The following EXOSC6 variants were observed in gnomAD, a reference collection of about 807,000 sequenced individuals.
EXOSC6 encodes exosome complex component MTR3.
In EXOSC6, 21 loss-of-function variants were observed where a neutral mutation model predicts 16.7. The ratio of observed to expected loss-of-function variants is 1.26; its 90% CI spans 0.89 to 1.82. The LOEUF (loss-of-function observed/expected upper bound fraction) is 1.82. Among genes scored for constraint, EXOSC6 ranks in the 40% most tolerant of loss-of-function variants. EXOSC6 has a pLI of 0.00. For synonymous variants in EXOSC6, 297 were observed against 217.1 expected, an observed-to-expected ratio of 1.37 and a Z score of -3.24; for missense variants, 538 against 415.7, an observed-to-expected ratio of 1.29 and a Z score of -2.56.
In EXOSC6 at chr16:70,248,478, G is replaced by T. The variant is rs891861505; in HGVS notation, c.*2604C>A. On this transcript the variant is annotated 3_prime_UTR_variant, in exon 1 of 1. Coordinates refer to ENST00000435634, the MANE Select transcript of EXOSC6 (RefSeq NM_058219.3). ...AATGTGAGAATTTTCACAAGAGCTGGGAAAATGTTCATAATTATGCATGCA... is the reference window on the plus strand; with the variant it reads ...AATGTGAGAATTTTCACAAGAGCTGTGAAAATGTTCATAATTATGCATGCA... 3.3e-5 allele frequency: 5 copies of T among 152,072 alleles called. No homozygotes were observed. Among genetic ancestry groups the T allele is most frequent in the Non-Finnish European group, 7.4e-5 (5 of 68,014 alleles). 9.4% of individuals were successfully genotyped at this position (152,072 alleles called of 1,614,324 possible). A position where few individuals can be genotyped will look rare whatever the true frequency, so the allele number is the denominator to read the frequency against.
rs550888671 is a variant in EXOSC6 at position 70,251,017 on chromosome 16, G to C, written c.*65C>G. 1.8e-5 allele frequency: 26 copies of C among 1,420,604 alleles called. No homozygotes were observed. The South Asian group carries it at 3.8e-4, about 21-fold the overall frequency. The allele number at this position is 1,420,604 out of a possible 1,614,324, so 88.0% of individuals were successfully genotyped here. On this transcript the variant is annotated 3_prime_UTR_variant, in exon 1 of 1. Coordinates refer to ENST00000435634, the MANE Select transcript of EXOSC6 (RefSeq NM_058219.3). ...ACGCAAACTGGAGGCCGATGGCGCG[G>C]GTCTTTTCGTGGACGGCGGCAGCAC... is the stretch of plus-strand genomic sequence containing the variant.
Position 70,247,752 on chromosome 16 carries a change from A to T in EXOSC6, c.*3330T>A, listed in dbSNP as rs934864067. The stretch of plus-strand genomic sequence containing the variant: ...AGCAATCTTATAAAAGAAATGCTAG[A>T]ATCAGAAAACCATCATTTTAGGCTG... On this transcript the variant is annotated 3_prime_UTR_variant, in exon 1 of 1. Transcript: ENST00000435634. 2.6e-5 allele frequency: 4 copies of T among 152,230 alleles called. No individual in the cohort carries two copies. Among genetic ancestry groups the T allele is most frequent in the Admixed American group, 2.6e-4 (4 of 15,276 alleles). The allele number at this position is 152,230 out of a possible 1,614,324, so 9.4% of individuals were successfully genotyped here. A position where few individuals can be genotyped will look rare whatever the true frequency, so the allele number is the denominator to read the frequency against.
rs1211014126 is a variant in EXOSC6 at position 70,250,378 on chromosome 16, A to T, written c.*704T>A. The T allele has an allele frequency of 6.6e-6, 1 of 152,228 alleles. No homozygotes were observed. Among genetic ancestry groups the T allele is most frequent in the Non-Finnish European group, 1.5e-5 (1 of 68,066 alleles). 9.4% of individuals were successfully genotyped at this position (152,228 alleles called of 1,614,324 possible). A position where few individuals can be genotyped will look rare whatever the true frequency, so the allele number is the denominator to read the frequency against. ...CACCGTACATTCTGTGCAATCAAGA[A>T]ATTTACTCAGCTGGGCACAGTGGCT... On this transcript the variant is annotated 3_prime_UTR_variant, in exon 1 of 1. Transcript: ENST00000435634.
chr16:70,251,825 C>A lies in EXOSC6; in HGVS notation c.76G>T (p.Glu26Ter). Residue 26 changes from glutamate to a stop codon, truncating the protein, a stop_gained, in exon 1 of 1, where the codon GAG becomes TAG. Coordinates refer to ENST00000435634, the MANE Select transcript of EXOSC6 (RefSeq NM_058219.3). LOFTEE classifies it high-confidence loss of function. ...GTTGGGTCGCGGGTGCCGGGCGCCT[C>A]CTCCTCGTCGGCCGCGTACAGCTGC... ...PPQLYAADEE[E>*]APGTRDPTRL... 1 of 1,537,310 alleles carries A rather than the reference C, an allele frequency of 6.5e-7. No individual in the cohort carries two copies. Among genetic ancestry groups the A allele is most frequent in the Non-Finnish European group, 8.7e-7 (1 of 1,152,498 alleles).
At position 70,251,522 on chromosome 16, in the gene EXOSC6, GCAGCGC is replaced by G; in HGVS notation, c.373_378del (p.Ala125_Leu126del). On this transcript the variant is annotated inframe_deletion, in exon 1 of 1. Transcript: ENST00000435634. ...CGCACAGCCGGCTCCAGCGCCTCCTGCAGCGCCAGCGCCAGCTCACGCTCCTCGCAG... is the reference window on the plus strand; with the variant it reads ...CGCACAGCCGGCTCCAGCGCCTCCTGCAGCGCCAGCTCACGCTCCTCGCAG... 8.0e-7 allele frequency: 1 copy of G among 1,254,870 alleles called. No individual in the cohort carries two copies. Among genetic ancestry groups the G allele is most frequent in the South Asian group, 2.5e-5 (1 of 40,104 alleles). 77.7% of individuals were successfully genotyped at this position (1,254,870 alleles called of 1,614,324 possible). A position where few individuals can be genotyped will look rare whatever the true frequency, so the allele number is the denominator to read the frequency against.
chr16:70,251,582 C>T lies in EXOSC6; in HGVS notation c.319G>A (p.Gly107Ser), dbSNP rs1488727562. 1.0e-5 allele frequency: 11 copies of T among 1,092,340 alleles called. No homozygotes were observed. Among genetic ancestry groups the T allele is most frequent in the African/African-American group, 1.7e-5 (1 of 59,506 alleles). 67.7% of individuals were successfully genotyped at this position (1,092,340 alleles called of 1,614,324 possible). A position where few individuals can be genotyped will look rare whatever the true frequency, so the allele number is the denominator to read the frequency against. ...LCDFRRAPFA[G>S]RRRRAPPGGC... is the part of the protein sequence containing the mutation. ...CCCGGGGGAGCGCGGCGCCGGCGGC[C>T]CGCGAAGGGTGCGCGGCGGAAGTCG... Residue 107 changes from glycine to serine, a missense_variant, in exon 1 of 1, where the codon GGC (glycine) becomes AGC (serine). Physicochemically the swap from Gly to Ser is moderately conservative, Grantham distance 56 (BLOSUM62 0). Coordinates refer to ENST00000435634, the MANE Select transcript of EXOSC6 (RefSeq NM_058219.3).
chr16:70,247,064 C>A lies in EXOSC6; in HGVS notation c.*4018G>T. 4 of 363,262 alleles carry A rather than the reference C, an allele frequency of 1.1e-5. No homozygotes were observed. The highest frequency in any genetic ancestry group is 8.2e-5 in the East Asian group (1 of 12,194). 22.5% of individuals were successfully genotyped at this position (363,262 alleles called of 1,614,324 possible). ...CTACATAAAAAACTGAGTATGAGAC[C>A]AAGAAAAATAGATTCTGTAGTTTTA... On this transcript the variant is annotated 3_prime_UTR_variant, in exon 1 of 1. Transcript: ENST00000435634.
Position 70,247,566 on chromosome 16 carries a change from C to G in EXOSC6, c.*3516G>C, listed in dbSNP as rs1352346155. 1.3e-5 allele frequency: 2 copies of G among 152,112 alleles called. No individual in the cohort carries two copies. The highest frequency in any genetic ancestry group is 2.9e-5 in the Non-Finnish European group (2 of 68,038). 9.4% of individuals were successfully genotyped at this position (152,112 alleles called of 1,614,324 possible). A position where few individuals can be genotyped will look rare whatever the true frequency, so the allele number is the denominator to read the frequency against. ...ACATTAAAATTAAAGATCAGTATGG[C>G]ACCACACATGAATAACATGCAGGCT... On this transcript the variant is annotated 3_prime_UTR_variant, in exon 1 of 1. Coordinates refer to ENST00000435634, the MANE Select transcript of EXOSC6 (RefSeq NM_058219.3).
Position 70,251,056 on chromosome 16 carries a change from C to A in EXOSC6, c.*26G>T, listed in dbSNP as rs776710679. ...CGGCGGCAGCACGGTCCTCGGCTTG[C>A]GTCCGTAGTTGCTCAGGCTTCTGGT... On this transcript the variant is annotated 3_prime_UTR_variant, in exon 1 of 1. Coordinates refer to ENST00000435634, the MANE Select transcript of EXOSC6 (RefSeq NM_058219.3). 2.8e-6 allele frequency: 4 copies of A among 1,445,404 alleles called. No homozygotes were observed. The highest frequency in any genetic ancestry group is 3.6e-6 in the Non-Finnish European group (4 of 1,110,856). The allele number at this position is 1,445,404 out of a possible 1,614,324, so 89.5% of individuals were successfully genotyped here. A position where few individuals can be genotyped will look rare whatever the true frequency, so the allele number is the denominator to read the frequency against.
chr16:70,250,752 G>T lies in EXOSC6; in HGVS notation c.*330C>A, dbSNP rs572927017. 1.6e-4 allele frequency: 46 copies of T among 295,870 alleles called. No homozygotes were observed. The highest frequency in any genetic ancestry group is 9.1e-4 in the African/African-American group (42 of 46,110). 18.3% of individuals were successfully genotyped at this position (295,870 alleles called of 1,614,324 possible). On this transcript the variant is annotated 3_prime_UTR_variant, in exon 1 of 1. Coordinates refer to ENST00000435634, the MANE Select transcript of EXOSC6 (RefSeq NM_058219.3). ...CATGCACCTGTAGTCCCAGCACTTTGGGAGGCCAAGGCAGGAGGATCAATC... is the reference window on the plus strand; with the variant it reads ...CATGCACCTGTAGTCCCAGCACTTTTGGAGGCCAAGGCAGGAGGATCAATC...
Position 70,250,926 on chromosome 16 carries a change from G to C in EXOSC6, c.*156C>G. 8.5e-6 allele frequency: 8 copies of C among 939,692 alleles called. No homozygotes were observed. Among genetic ancestry groups the C allele is most frequent in the Non-Finnish European group, 1.2e-5 (8 of 686,184 alleles). 58.2% of individuals were successfully genotyped at this position (939,692 alleles called of 1,614,324 possible). A position where few individuals can be genotyped will look rare whatever the true frequency, so the allele number is the denominator to read the frequency against. ...CCAAGTAGTCCCTGCTCCAGACCAA[G>C]TCCCACCATCTGGCAGTCAGGTCAG... On this transcript the variant is annotated 3_prime_UTR_variant, in exon 1 of 1. Transcript: ENST00000435634.
In EXOSC6 at chr16:70,251,575, C is replaced by T; in HGVS notation, c.326G>A (p.Arg109Gln). The change falls in exon 1 of 1, where the codon CGG (arginine) becomes CAG (glutamine). Residue 109 changes from arginine to glutamine, a missense_variant. Arg to Gln is a conservative substitution (Grantham distance 43, BLOSUM62 1). Coordinates refer to ENST00000435634, the MANE Select transcript of EXOSC6 (RefSeq NM_058219.3). ...DFRRAPFAGRRRRAPPGGCEE... is the reference protein window; with the variant it reads ...DFRRAPFAGRQRRAPPGGCEE... ...GCAGCCGCCCGGGGGAGCGCGGCGC[C>T]GGCGGCCCGCGAAGGGTGCGCGGCG... 2.7e-6 allele frequency: 3 copies of T among 1,098,412 alleles called. No homozygotes were observed. The highest frequency in any genetic ancestry group is 3.3e-6 in the Non-Finnish European group (3 of 905,752). The allele number at this position is 1,098,412 out of a possible 1,614,324, so 68.0% of individuals were successfully genotyped here. A position where few individuals can be genotyped will look rare whatever the true frequency, so the allele number is the denominator to read the frequency against.
rs549683664 is a variant in EXOSC6, at chr16:70,247,193, C to T, written c.*3889G>A. Reference sequence around the variant, plus strand: ...AGGTTGCAGTGAGCTGAGATTGCACCGCTGCACTCCAGCCTGGACAATACA... The same window carrying T: ...AGGTTGCAGTGAGCTGAGATTGCACTGCTGCACTCCAGCCTGGACAATACA... On this transcript the variant is annotated 3_prime_UTR_variant, in exon 1 of 1. Transcript: ENST00000435634. The T allele has an allele frequency of 2.1e-4, 49 of 236,718 alleles. No homozygotes were observed. The highest frequency in any genetic ancestry group is 9.8e-4 in the African/African-American group (41 of 41,802). 14.7% of individuals were successfully genotyped at this position (236,718 alleles called of 1,614,324 possible).
chr16:70,248,115 G>T lies in EXOSC6; in HGVS notation c.*2967C>A, dbSNP rs1284341810. On this transcript the variant is annotated 3_prime_UTR_variant, in exon 1 of 1. Coordinates refer to ENST00000435634, the MANE Select transcript of EXOSC6 (RefSeq NM_058219.3). ...ATAGCCAATGTTATAATCTACACAG[G>T]CACAGACTATCAATGCTAAAAATCA... The T allele has an allele frequency of 6.6e-6, 1 of 152,094 alleles. No individual in the cohort carries two copies. Among genetic ancestry groups the T allele is most frequent in the African/African-American group, 2.4e-5 (1 of 41,412 alleles). 9.4% of individuals were successfully genotyped at this position (152,094 alleles called of 1,614,324 possible). A position where few individuals can be genotyped will look rare whatever the true frequency, so the allele number is the denominator to read the frequency against.
In EXOSC6 at chr16:70,251,388, G is replaced by A. The variant is rs1959815286; in HGVS notation, c.513C>T (p.Asp171=). The change falls in exon 1 of 1, where the codon GAC becomes GAT. Residue 171 remains aspartate (D), a synonymous_variant. Coordinates refer to ENST00000435634, the MANE Select transcript of EXOSC6 (RefSeq NM_058219.3). ...CCAGGTCGTACATCTCCACGCCCGC[G>A]TCGGCCAGGGCGAGCGCGGCGGCGG... ...ALTAAALALA[D]AGVEMYDLVV... The A allele has an allele frequency of 1.5e-6, 2 of 1,355,842 alleles. No homozygotes were observed. Among genetic ancestry groups the A allele is most frequent in the Non-Finnish European group, 1.9e-6 (2 of 1,060,384 alleles). The allele number at this position is 1,355,842 out of a possible 1,614,324, so 84.0% of individuals were successfully genotyped here.
Position 70,251,769 on chromosome 16 carries a change from C to T in EXOSC6, c.132G>A (p.Gly44=), listed in dbSNP as rs979067761. The T allele has an allele frequency of 2.8e-6, 4 of 1,440,170 alleles. No homozygotes were observed. Among genetic ancestry groups the T allele is most frequent in the Non-Finnish European group, 3.6e-6 (4 of 1,108,048 alleles). 89.2% of individuals were successfully genotyped at this position (1,440,170 alleles called of 1,614,324 possible). ...CCGAGCCCTTGGCCTGGCTCAGCAGCCCGGCGCGCGCGTACACGGGCCGTA... is the reference window on the plus strand; with the variant it reads ...CCGAGCCCTTGGCCTGGCTCAGCAGTCCGGCGCGCGCGTACACGGGCCGTA... ...TRLRPVYARA[G]LLSQAKGSAY... is the part of the protein sequence containing the mutation. The change falls in exon 1 of 1, where the codon GGG becomes GGA. Residue 44 remains glycine (G), a synonymous_variant. Transcript: ENST00000435634.
chr16:70,251,706 G>C lies in EXOSC6; in HGVS notation c.195C>G (p.Ala65=). Residue 65 remains alanine (A), a synonymous_variant, in exon 1 of 1, where the codon GCC becomes GCG. Coordinates refer to ENST00000435634, the MANE Select transcript of EXOSC6 (RefSeq NM_058219.3). ...LEAGGTKVLC[A]VSGPRQAEGG... is the part of the protein sequence containing the mutation. ...CCTCGGCCTGTCGCGGGCCCGACAC[G>C]GCACACAGCACCTTGGTGCCTCCCG... The C allele has an allele frequency of 7.5e-7, 1 of 1,326,012 alleles. No homozygotes were observed. The highest frequency in any genetic ancestry group is 9.6e-7 in the Non-Finnish European group (1 of 1,043,084). 82.1% of individuals were successfully genotyped at this position (1,326,012 alleles called of 1,614,324 possible). A position where few individuals can be genotyped will look rare whatever the true frequency, so the allele number is the denominator to read the frequency against.
rs1042778321 is a variant in EXOSC6, at chr16:70,251,276, C to A, written c.625G>T (p.Ala209Ser). The A allele has an allele frequency of 3.5e-6, 5 of 1,442,620 alleles. No homozygotes were observed. In the East Asian group the frequency reaches 1.5e-4, roughly 43 times the overall value. The allele number at this position is 1,442,620 out of a possible 1,614,324, so 89.4% of individuals were successfully genotyped here. ...GGCATGAGCGCCACGGTGAGGCCGG[C>A]GGCGGCGCGCTCTTCCTCGAGCCGC... ...PTRLEEERAA[A>S]GLTVALMPVL... is the part of the protein sequence containing the mutation. Residue 209 changes from alanine to serine, a missense_variant, in exon 1 of 1, where the codon GCC becomes TCC. Ala to Ser is a moderately conservative substitution (Grantham distance 99). Coordinates refer to ENST00000435634, the MANE Select transcript of EXOSC6 (RefSeq NM_058219.3).
chr16:70,248,409 G>A lies in EXOSC6; in HGVS notation c.*2673C>T, dbSNP rs1381297608. 4 of 151,944 alleles carry A rather than the reference G, an allele frequency of 2.6e-5. No individual in the cohort carries two copies. The South Asian group carries it at 6.2e-4, about 24-fold the overall frequency. 9.4% of individuals were successfully genotyped at this position (151,944 alleles called of 1,614,324 possible). The stretch of plus-strand genomic sequence containing the variant: ...AGCATATTATTATGAAATTATTATC[G>A]TATTTACAGGTATTTATTTTACTGG... On this transcript the variant is annotated 3_prime_UTR_variant, in exon 1 of 1. Transcript: ENST00000435634.
Sources: allele counts gnomAD v4.1 joint callset, GRCh38; gene constraint gnomAD v4.1.1; transcripts MANE v1.5; gene names NCBI Gene and HGNC (gene_info 2026-07-23, HGNC 2026-07-21).